The following GABRA6 variants were observed in gnomAD, a reference collection of about 807,000 sequenced individuals.
The protein encoded by GABRA6 is gamma-aminobutyric acid type A receptor subunit alpha6.
In GABRA6, 45 loss-of-function variants were observed where a neutral mutation model predicts 47.3. The observed-to-expected ratio is 0.95, with a 90% CI of 0.75 to 1.22. The LOEUF is 1.22. Ranked by LOEUF, GABRA6 falls within the 50% of genes most tolerant of loss-of-function variation. GABRA6 has a pLI of 0.00. For synonymous variants in GABRA6, 219 were observed against 194.7 expected, an observed-to-expected ratio of 1.12 and a Z score of -1.04; for missense variants, 583 against 549.3, an observed-to-expected ratio of 1.06 and a Z score of -0.61.
chr5:161,689,724 C>T lies in GABRA6; in HGVS notation c.618C>T (p.Leu206=), dbSNP rs762829158. 6.2e-7 allele frequency: 1 copy of T among 1,612,456 alleles called. No individual in the cohort carries two copies. Among genetic ancestry groups the T allele is most frequent in the South Asian group, 1.1e-5 (1 of 91,038 alleles). The change falls in exon 6 of 9, where the codon CTC becomes CTT. Residue 206 remains leucine, a synonymous_variant. Transcript: ENST00000274545. ...TCCCAGAAGAATCTTCAAGCCTTCT[C>T]CAGTATGATCTGATTGGACAAACAG... ...VEVPEESSSL[L]QYDLIGQTVS...
chr5:161,686,592 A>G (rs1297393953), intron 2 of GABRA6, among the ~76,000 whole-genome samples: 1 of 152,210 alleles, frequency 6.6e-6, no homozygotes, highest in Non-Finnish European at 1.5e-5. Flanking sequence ...TGTTTGCCTC[A>G]TAGAGTGGTA....
intron 8 of GABRA6, among the ~76,000 whole-genome samples, chr5:161,696,742 A>G (rs1156908917): frequency 6.6e-6 from 1 of 152,208 alleles, no homozygotes; most frequent in Non-Finnish European, 1.5e-5. Context: ...TTTCAACTCT[A>G]CCAGCTGAAA....
chr5:161,702,079 C>T lies in GABRA6; in HGVS notation c.*306C>T, dbSNP rs1754992647. ...TCCATTGTTCAGTATTTTTAATTGT[C>T]ACTGTAAATAACATTTACCACAAGG... On this transcript the variant is annotated 3_prime_UTR_variant, in exon 9 of 9. Transcript: ENST00000274545. 2 of 361,054 alleles carry T rather than the reference C, an allele frequency of 5.5e-6. No homozygotes were observed. The highest frequency in any genetic ancestry group is 1.0e-5 in the Non-Finnish European group (2 of 194,036). The allele number at this position is 361,054 out of a possible 1,614,324, so 22.4% of individuals were successfully genotyped here. A position where few individuals can be genotyped will look rare whatever the true frequency, so the allele number is the denominator to read the frequency against.
chr5:161,688,895 C>T, intron 3 of GABRA6, 54 bp from the exon 4 acceptor site: 1 of 1,490,502 alleles, frequency 6.7e-7, no homozygotes, highest in Non-Finnish European at 9.3e-7. Context: ...AGTGAATAAA[C>T]TATTCTTAGC....
At chr5:161,688,805 C>A in intron 3 of GABRA6, 144 bp from the exon 4 acceptor site, 1 of 721,666 alleles carries the variant, frequency 1.4e-6, no homozygotes, top group South Asian at 1.6e-5. Context: ...TAATAACTAG[C>A]TAAAATTATA....
Position 161,691,971 on chromosome 5 carries a change from T to C in GABRA6, c.857T>C (p.Leu286Ser). The change falls in exon 8 of 9, where the codon TTG becomes TCG. Residue 286 changes from leucine (L) to serine (S), a missense_variant. Transcript: ENST00000274545. Reference sequence around the variant, plus strand: ...ACCACTGTTTTAACTATGACCACTTTGAGCATCAGTGCCCGGCACTCTTTG... The same window carrying C: ...ACCACTGTTTTAACTATGACCACTTCGAGCATCAGTGCCCGGCACTCTTTG... ...GITTVLTMTT[L>S]SISARHSLPK... 1 of 1,614,048 alleles carries C rather than the reference T, an allele frequency of 6.2e-7. No individual in the cohort carries two copies. Among genetic ancestry groups the C allele is most frequent in the Non-Finnish European group, 8.5e-7 (1 of 1,179,898 alleles).
chr5:161,693,679 G>A (rs1401241997), intron 8 of GABRA6, among the ~76,000 whole-genome samples: 1 of 152,098 alleles, frequency 6.6e-6, no homozygotes, highest in African/African-American at 2.4e-5. Context: ...TTGCTCTGTG[G>A]TGGTGGCATA....
Position 161,686,883 on chromosome 5 carries a change from A to G in GABRA6, c.158-53A>G, listed in dbSNP as rs1034830687. On this transcript the variant is annotated intron_variant, in intron 2 of 8. Transcript: ENST00000274545. ...GTTTGGTGGTAGAGGGCTGAGATCA[A>G]TCCCCTTAACATCAGTGGTGATAAT... The G allele has an allele frequency of 4.7e-6, 7 of 1,484,668 alleles. No homozygotes were observed. The African/African-American group carries it at 9.7e-5, about 21-fold the overall frequency. The allele number at this position is 1,484,668 out of a possible 1,614,324, so 92.0% of individuals were successfully genotyped here. A position where few individuals can be genotyped will look rare whatever the true frequency, so the allele number is the denominator to read the frequency against.
At chr5:161,700,201 G>C (rs962160850) in intron 8 of GABRA6, among the ~76,000 whole-genome samples, 2 of 152,152 alleles carry the variant, frequency 1.3e-5, no homozygotes, top group Non-Finnish European at 2.9e-5. Flanking sequence ...ACCAGCACAG[G>C]GGAGGAAGCT....
intron 5 of GABRA6, 43 bp downstream of exon 5, chr5:161,689,379 A>T (rs996398109): frequency 1.1e-5 from 17 of 1,488,868 alleles, no homozygotes; most frequent in Non-Finnish European, 1.6e-5. Flanking sequence ...ATACATCCAA[A>T]ATATATAATT....
Position 161,701,580 on chromosome 5 carries a change from T to C in GABRA6, c.1169T>C (p.Val390Ala), listed in dbSNP as rs1279064605. ...PIVSSSEANK[V>A]LTRAPILQST... ...GTTTCATCTTCCGAGGCCAATAAAG[T>C]GCTCACGAGAGCGCCCATCTTACAA... is the stretch of plus-strand genomic sequence containing the variant. Residue 390 changes from valine to alanine, a missense_variant, in exon 9 of 9, where the codon GTG (valine) becomes GCG (alanine). By Grantham distance (64) the Val-to-Ala change is moderately conservative (BLOSUM62 0). Transcript: ENST00000274545. 2 of 1,614,174 alleles carry C rather than the reference T, an allele frequency of 1.2e-6. No individual in the cohort carries two copies. Among genetic ancestry groups the C allele is most frequent in the South Asian group, 1.1e-5 (1 of 91,086 alleles).
chr5:161,699,072 A>C (rs1754933958), intron 8 of GABRA6, among the ~76,000 whole-genome samples: 1 of 152,216 alleles, frequency 6.6e-6, no homozygotes, highest in Admixed American at 6.5e-5. Context: ...AACGGGGAGA[A>C]TAAGCAAGGC....
Position 161,690,344 on chromosome 5 carries a change from A to T in GABRA6, c.817A>T (p.Thr273Ser). 3 of 1,613,410 alleles carry T rather than the reference A, an allele frequency of 1.9e-6. No homozygotes were observed. The highest frequency in any genetic ancestry group is 2.5e-6 in the Non-Finnish European group (3 of 1,179,826). ...WINKESVPARTVFGITTVLTM... is the reference protein window; with the variant it reads ...WINKESVPARSVFGITTVLTM... ...TAATAAGGAGTCCGTCCCAGCAAGA[A>T]CTGTTTTTGGTATATGTCACATTTT... The change falls in exon 7 of 9, where the codon ACT (threonine) becomes TCT (serine). Residue 273 changes from threonine to serine, a missense_variant. Physicochemically the swap from Thr to Ser is moderately conservative, Grantham distance 58. Coordinates refer to ENST00000274545, the MANE Select transcript of GABRA6 (RefSeq NM_000811.3).
rs746198834 is a variant in GABRA6 at position 161,686,250 on chromosome 5, A to G, written c.59A>G (p.Lys20Arg). 4 of 1,613,620 alleles carry G rather than the reference A, an allele frequency of 2.5e-6. No homozygotes were observed. Among genetic ancestry groups the G allele is most frequent in the Non-Finnish European group, 3.4e-6 (4 of 1,179,638 alleles). Residue 20 changes from lysine (K) to arginine (R), a missense_variant, in exon 2 of 9, where the codon AAA (lysine) becomes AGA (arginine). By Grantham distance (26) the Lys-to-Arg change is conservative. Coordinates refer to ENST00000274545, the MANE Select transcript of GABRA6 (RefSeq NM_000811.3). ...IILWLENALG[K>R]LEVEGNFYSE... is the part of the protein sequence containing the mutation. ...CACAGGCTAGAAAATGCCCTAGGGAAACTCGAAGTTGAAGGCAACTTCTAC... is the reference window on the plus strand; with the variant it reads ...CACAGGCTAGAAAATGCCCTAGGGAGACTCGAAGTTGAAGGCAACTTCTAC...
chr5:161,698,441 G>C (rs1219003110), intron 8 of GABRA6, among the ~76,000 whole-genome samples: 2 of 152,014 alleles, frequency 1.3e-5, no homozygotes, highest in Non-Finnish European at 2.9e-5. Flanking sequence ...AATAAAGATA[G>C]GTGAGTGGTG....
chr5:161,701,392 A>T (rs1754977748), intron 8 of GABRA6, 106 bp from the exon 9 acceptor site: 2 of 1,237,040 alleles, frequency 1.6e-6, no homozygotes, highest in Non-Finnish European at 2.4e-6. Flanking sequence ...TTACATAGAA[A>T]GTAAGTCGTC....
At chr5:161,688,700 G>A (rs968370820) in intron 3 of GABRA6, among the ~76,000 whole-genome samples, 3 of 152,142 alleles carry the variant, frequency 2.0e-5, no homozygotes, top group African/African-American at 2.4e-5. Context: ...AGATAAAGAG[G>A]AAGAATATTA....
chr5:161,697,366 T>C (rs1754901836), intron 8 of GABRA6, among the ~76,000 whole-genome samples: 1 of 152,230 alleles, frequency 6.6e-6, no homozygotes, highest in Non-Finnish European at 1.5e-5. Context: ...AAATTCAGCG[T>C]GTTCCTTCTA....
At position 161,692,026 on chromosome 5, in the gene GABRA6, T is replaced by C. The variant is rs766155219; in HGVS notation, c.912T>C (p.Asp304=). 7.4e-6 allele frequency: 12 copies of C among 1,614,174 alleles called. No individual in the cohort carries two copies. The highest frequency in any genetic ancestry group is 4.5e-5 in the East Asian group (2 of 44,868). ...LPKVSYATAM[D]WFIAVCFAFV... Reference sequence around the variant, plus strand: ...AAGTGTCATATGCCACTGCCATGGATTGGTTCATAGCTGTTTGCTTTGCAT... The same window carrying C: ...AAGTGTCATATGCCACTGCCATGGACTGGTTCATAGCTGTTTGCTTTGCAT... Residue 304 remains aspartate (D), a synonymous_variant, in exon 8 of 9, where the codon GAT becomes GAC. Transcript: ENST00000274545.
Sources: gnomAD v4.1 joint callset for allele counts (sites outside exome capture counted in the v4.1 genomes callset) on GRCh38, gnomAD v4.1.1 for gene constraint, MANE v1.5 for transcripts, NCBI Gene and HGNC (gene_info 2026-07-23, HGNC 2026-07-21) for gene names.